The following SLC4A10 variants were observed in gnomAD, a reference collection of about 807,000 sequenced individuals.
SLC4A10 encodes solute carrier family 4 member 10.
SLC4A10 carries 42 observed loss-of-function variants against 137.7 expected under a neutral mutation model. The ratio of observed to expected loss-of-function variants is 0.30; its 90% CI spans 0.24 to 0.39. The LOEUF is 0.39. Ranked by LOEUF, SLC4A10 falls within the 10% of genes least tolerant of loss-of-function variation. The pLI is 1.00. For synonymous variants in SLC4A10, 474 were observed against 464.1 expected (o/e 1.02, Z -0.27); for missense variants, 925 against 1,355.0 (o/e 0.68, Z 4.98).
intron 1 of SLC4A10, among the ~76,000 whole-genome samples, chr2:161,683,756 T>G (rs775365083): frequency 2.6e-5 from 4 of 152,222 alleles, no homozygotes; most frequent in Admixed American, 6.5e-5. Context: ...GTTATCATTT[T>G]GTAACATCTT....
At chr2:161,867,317 A>G (rs1030393845) in intron 6 of SLC4A10, among the ~76,000 whole-genome samples, 2 of 151,962 alleles carry the variant, frequency 1.3e-5, no homozygotes, top group African/African-American at 2.4e-5. Flanking sequence ...TGCTTTTTTA[A>G]TACAATGGTC....
chr2:161,948,151 C>G (rs985343580), intron 17 of SLC4A10, among the ~76,000 whole-genome samples: 3 of 152,096 alleles, frequency 2.0e-5, no homozygotes, highest in Non-Finnish European at 2.9e-5. Flanking sequence ...AGTCCCTCCC[C>G]CTAACCCACC....
intron 8 of SLC4A10, among the ~76,000 whole-genome samples, chr2:161,874,598 G>A (rs539272576): frequency 4.1e-4 from 62 of 152,188 alleles, no homozygotes; most frequent in Admixed American, 2.3e-3. Flanking sequence ...TCACATTTGC[G>A]ATCACTGGCC....
At chr2:161,832,836 G>A (rs2058518651) in intron 3 of SLC4A10, among the ~76,000 whole-genome samples, 1 of 152,184 alleles carries the variant, frequency 6.6e-6, no homozygotes, top group Non-Finnish European at 1.5e-5. Context: ...CGCCTCCCGG[G>A]TTCACGCCAT....
chr2:161,718,355 C>G (rs2045198933), intron 1 of SLC4A10, among the ~76,000 whole-genome samples: 1 of 151,902 alleles, frequency 6.6e-6, no homozygotes, highest in Non-Finnish European at 1.5e-5. Context: ...TTTGTTTGCT[C>G]TTGGTTCTCT....
chr2:161,960,885 C>T (rs553242263), intron 21 of SLC4A10, among the ~76,000 whole-genome samples: 5 of 152,192 alleles, frequency 3.3e-5, no homozygotes, highest in Non-Finnish European at 7.4e-5. Context: ...CTTCTGGCCT[C>T]CACAAGTGTG....
chr2:161,810,531 G>A (rs1191335934), intron 3 of SLC4A10, among the ~76,000 whole-genome samples: 2 of 151,818 alleles, frequency 1.3e-5, no homozygotes, highest in Non-Finnish European at 2.9e-5. Context: ...TTGTTTTGAG[G>A]TATGTTTCTT....
At chr2:161,745,603 G>A (rs759130318) in intron 1 of SLC4A10, among the ~76,000 whole-genome samples, 30 of 151,954 alleles carry the variant, frequency 2.0e-4, no homozygotes, top group Admixed American at 4.6e-4. Context: ...CACATTTTCT[G>A]GAATGGTCTT....
intron 2 of SLC4A10, among the ~76,000 whole-genome samples, chr2:161,793,035 T>C (rs191377281): frequency 6.6e-6 from 1 of 152,282 alleles, no homozygotes; most frequent in African/African-American, 2.4e-5. Context: ...ATTGCAACCC[T>C]AATAGGATTA....
intron 2 of SLC4A10, among the ~76,000 whole-genome samples, chr2:161,803,965 C>G (rs1450831891): frequency 6.6e-6 from 1 of 152,036 alleles, no homozygotes; most frequent in Admixed American, 6.6e-5. Flanking sequence ...TGGCCAATAT[C>G]AAGTGTAACA....
intron 1 of SLC4A10, among the ~76,000 whole-genome samples, chr2:161,625,102 TGTGTGTGTG>T (rs2032033311): frequency 6.8e-6 from 1 of 147,250 alleles, no homozygotes; most frequent in Non-Finnish European, 1.5e-5. Flanking sequence ...TGTGTGTGTG[TGTGTGTGTG>T]TTCTGTCTCT....
At chr2:161,870,663 AT>A in intron 6 of SLC4A10, among the ~76,000 whole-genome samples, 1 of 151,950 alleles carries the variant, frequency 6.6e-6, no homozygotes, top group Non-Finnish European at 1.5e-5. Context: ...TACAGTTATT[AT>A]TTTGAGAATG....
intron 1 of SLC4A10, among the ~76,000 whole-genome samples, chr2:161,714,645 G>A (rs192680216): frequency 5.9e-4 from 90 of 152,024 alleles, no homozygotes; most frequent in African/African-American, 1.8e-3. Flanking sequence ...TGAGGCTACT[G>A]TATAACATGG....
chr2:161,895,593 A>G (rs1421029435), intron 11 of SLC4A10, among the ~76,000 whole-genome samples: 1 of 152,102 alleles, frequency 6.6e-6, no homozygotes, highest in African/African-American at 2.4e-5. Context: ...TGACTTTTTA[A>G]TGATCACCAT....
At chr2:161,708,866 G>T in intron 1 of SLC4A10, 1 of 1,508,814 alleles carries the variant, frequency 6.6e-7, no homozygotes, top group Admixed American at 2.3e-5. Flanking sequence ...ATATTAGAAT[G>T]TAGGGTGCTT....
chr2:161,980,329 A>G lies in SLC4A10; in HGVS notation c.*26+2569A>G, dbSNP rs556451609. Among the ~76,000 whole-genome samples, 4 of 150,608 alleles carry G rather than the reference A, an allele frequency of 2.7e-5. No homozygotes were observed. The South Asian group carries it at 8.4e-4, about 32-fold the overall frequency. ...TGATTGCCTAGGCTTAGGCTCTCTC[A>G]TGACTTCTTGGAAATATTATTCATA... On this transcript the variant is annotated intron_variant, in intron 26 of 26. Transcript: ENST00000446997.
chr2:161,691,674 A>G (rs1364355976), intron 1 of SLC4A10, among the ~76,000 whole-genome samples: 3 of 152,114 alleles, frequency 2.0e-5, no homozygotes, highest in African/African-American at 7.2e-5. Flanking sequence ...TATATACGCA[A>G]TTCTGTGACT....
At chr2:161,956,880 T>C in intron 19 of SLC4A10, 109 bp from the exon 20 acceptor site, 1 of 1,214,904 alleles carries the variant, frequency 8.2e-7, no homozygotes, top group Admixed American at 2.9e-5. Context: ...AGATCTGATA[T>C]GAAGGGCTTG....
At chr2:161,890,110 C>T (rs980090912) in intron 10 of SLC4A10, among the ~76,000 whole-genome samples, 1 of 152,180 alleles carries the variant, frequency 6.6e-6, no homozygotes, top group African/African-American at 2.4e-5. Flanking sequence ...GAGTGAGTTT[C>T]TTAATCCTGA....
Sources: allele counts gnomAD v4.1 joint callset (sites outside exome capture counted in the v4.1 genomes callset), GRCh38; gene constraint gnomAD v4.1.1; transcripts MANE v1.5; gene names NCBI Gene and HGNC (gene_info 2026-07-23, HGNC 2026-07-21).